NCOA2: variants seen among roughly 807,000 people sequenced by gnomAD.
NCOA2 encodes class E basic helix-loop-helix protein 75.
NCOA2 carries 21 observed loss-of-function variants against 145.1 expected under a neutral mutation model. That is an observed-to-expected ratio of 0.14 (90% confidence interval 0.10 to 0.21). The LOEUF (loss-of-function observed/expected upper bound fraction) is 0.21. Ranked by LOEUF, NCOA2 falls within the 10% of genes least tolerant of loss-of-function variation. NCOA2 has a pLI of 1.00. For missense variants in NCOA2, 1,472 were observed against 1,837.6 expected (o/e 0.80, Z 3.64); for synonymous variants, 619 against 637.5 (o/e 0.97, Z 0.44).
chr8:70,348,568 T>A (rs1331254072), intron 1 of NCOA2, among the ~76,000 whole-genome samples: 2 of 152,100 alleles, frequency 1.3e-5, no homozygotes, highest in African/African-American at 4.8e-5. Context: ...AGGGTCTGAA[T>A]AAAGGTGGTG....
intron 2 of NCOA2, among the ~76,000 whole-genome samples, chr8:70,231,253 G>C (rs543642434): frequency 6.6e-6 from 1 of 152,376 alleles, no homozygotes; most frequent in African/African-American, 2.4e-5. Context: ...CTAATTTAAA[G>C]ATTATGGTGT....
intron 22 of NCOA2, among the ~76,000 whole-genome samples, chr8:70,118,477 C>G (rs181044156): frequency 3.3e-4 from 50 of 152,254 alleles, no homozygotes; most frequent in Admixed American, 5.9e-4. Flanking sequence ...AGGACTCCCA[C>G]CAACAGCCAG....
chr8:70,162,403 A>G (rs961991182), intron 9 of NCOA2, among the ~76,000 whole-genome samples: 1 of 152,192 alleles, frequency 6.6e-6, no homozygotes, highest in Non-Finnish European at 1.5e-5. Flanking sequence ...CTGAATCGTT[A>G]ATATTTCTTT....
intron 1 of NCOA2, among the ~76,000 whole-genome samples, chr8:70,325,484 C>T (rs1806472799): frequency 6.6e-6 from 1 of 151,594 alleles, no homozygotes; most frequent in East Asian, 1.9e-4. Flanking sequence ...AGTACAGTGG[C>T]GTAATCTCGG....
Position 70,110,933 on chromosome 8 carries a change from A to G in NCOA2, c.*2699T>C. ...AAGTGAAACACTGATTATTTGTTCT[A>G]TTAAACAAAAACCAAGTACTCAGTC... On this transcript the variant is annotated 3_prime_UTR_variant, in exon 23 of 23. Coordinates refer to ENST00000452400, the MANE Select transcript of NCOA2 (RefSeq NM_006540.4). The G allele has an allele frequency of 4.5e-6, 1 of 221,998 alleles. No homozygotes were observed. The highest frequency in any genetic ancestry group is 6.7e-5 in the East Asian group (1 of 15,034). 13.8% of individuals were successfully genotyped at this position (221,998 alleles called of 1,614,324 possible). A position where few individuals can be genotyped will look rare whatever the true frequency, so the allele number is the denominator to read the frequency against.
intron 2 of NCOA2, among the ~76,000 whole-genome samples, chr8:70,263,707 C>A (rs1464730182): frequency 6.6e-6 from 1 of 150,844 alleles, no homozygotes; most frequent in South Asian, 2.1e-4. Flanking sequence ...CCAGCCTGGG[C>A]GGCAGAGTGA....
At chr8:70,268,180 A>T (rs1824762248) in intron 2 of NCOA2, among the ~76,000 whole-genome samples, 1 of 152,152 alleles carries the variant, frequency 6.6e-6, no homozygotes, top group Non-Finnish European at 1.5e-5. Context: ...TTAAACCACA[A>T]TTTGGTCTCT....
At chr8:70,117,186 C>G (rs7006399) in intron 22 of NCOA2, among the ~76,000 whole-genome samples, 15,717 of 152,336 alleles carry the variant, frequency 0.1, 1,255 homozygotes, top group East Asian at 0.41. Flanking sequence ...GCCCGCACCA[C>G]AGGGCTGGTT....
chr8:70,343,112 C>T (rs186182028), intron 1 of NCOA2, among the ~76,000 whole-genome samples: 1 of 152,014 alleles, frequency 6.6e-6, no homozygotes, highest in Non-Finnish European at 1.5e-5. Context: ...TTAGCAAGTG[C>T]CTAAAGTTGT....
rs551982887 is a variant in NCOA2 at position 70,156,711 on chromosome 8, A to G, written c.1654T>C (p.Leu552=). 1.9e-5 allele frequency: 30 copies of G among 1,613,862 alleles called. No homozygotes were observed. The highest frequency in any genetic ancestry group is 5.0e-5 in the Admixed American group (3 of 60,002). Reference sequence around the variant, plus strand: ...CCCATTTTTAGGTCTGGTGAAGCCAACGATGACCCTAATGAGACCCCGTGC... The same window carrying G: ...CCCATTTTTAGGTCTGGTGAAGCCAGCGATGACCCTAATGAGACCCCGTGC... ...EGHGVSLGSS[L]ASPDLKMGNL... Residue 552 remains leucine (L), a synonymous_variant, in exon 11 of 23, where the codon TTG becomes CTG. Transcript: ENST00000452400.
intron 4 of NCOA2, among the ~76,000 whole-genome samples, chr8:70,187,414 A>G (rs1816197569): frequency 6.6e-6 from 1 of 152,222 alleles, no homozygotes; most frequent in Non-Finnish European, 1.5e-5. Flanking sequence ...CTGAGATTTT[A>G]TATCGGTTAC....
At chr8:70,170,506 G>T in intron 5 of NCOA2, 127 bp from the exon 6 acceptor site, 2 of 770,426 alleles carry the variant, frequency 2.6e-6, no homozygotes, top group African/African-American at 1.8e-5. Context: ...ATCTTTCTCA[G>T]CCCTCTCCCA....
chr8:70,140,351 A>G (rs977593002), intron 14 of NCOA2, among the ~76,000 whole-genome samples: 1 of 152,166 alleles, frequency 6.6e-6, no homozygotes, highest in African/African-American at 2.4e-5. Context: ...TGGACATTTC[A>G]TATAAATGGT....
intron 11 of NCOA2, among the ~76,000 whole-genome samples, chr8:70,153,672 A>T (rs1359734825): frequency 1.3e-5 from 2 of 152,232 alleles, no homozygotes; most frequent in East Asian, 3.8e-4. Context: ...GATTACCACT[A>T]GCTGTGTAGA....
chr8:70,365,887 C>T (rs757968233), intron 1 of NCOA2, among the ~76,000 whole-genome samples: 1 of 152,172 alleles, frequency 6.6e-6, no homozygotes. Context: ...AGCAAAACCA[C>T]AGGTGCAAGA....
intron 4 of NCOA2, among the ~76,000 whole-genome samples, chr8:70,201,439 G>A (rs1456161619): frequency 6.6e-6 from 1 of 152,090 alleles, no homozygotes; most frequent in East Asian, 1.9e-4. Flanking sequence ...AGCTGTAAGA[G>A]GCTCCATTTC....
chr8:70,437,207 A>G, the NCOA2 span, among the ~76,000 whole-genome samples: 1 of 152,082 alleles, frequency 6.6e-6, no homozygotes, highest in African/African-American at 2.4e-5. Flanking sequence ...ACTCCTAATT[A>G]TCCTTCAGAC....
intron 4 of NCOA2, among the ~76,000 whole-genome samples, chr8:70,212,893 C>A (rs1479162479): frequency 6.6e-6 from 1 of 151,896 alleles, no homozygotes; most frequent in Non-Finnish European, 1.5e-5. Context: ...ACCAGCCTGG[C>A]AAACACGGTG....
intron 1 of NCOA2, among the ~76,000 whole-genome samples, chr8:70,325,446 T>A (rs1194568365): frequency 6.6e-6 from 1 of 152,096 alleles, no homozygotes; most frequent in African/African-American, 2.4e-5. Context: ...TCTTTTTTTT[T>A]TTTTAAACAC....
Sources: allele counts gnomAD v4.1 joint callset (sites outside exome capture counted in the v4.1 genomes callset), GRCh38; gene constraint gnomAD v4.1.1; transcripts MANE v1.5; gene names NCBI Gene and HGNC (gene_info 2026-07-23, HGNC 2026-07-21).